Variants in NAALADL2 observed in about 807,000 individuals in gnomAD.
NAALADL2 encodes the protein N-acetylated alpha-linked acidic dipeptidase like 2.
In NAALADL2, 76 loss-of-function variants were observed where a neutral mutation model predicts 87.2. The observed-to-expected ratio is 0.87, with a 90% CI of 0.72 to 1.05. The LOEUF (loss-of-function observed/expected upper bound fraction) is 1.05. NAALADL2 is among the 50% of genes least tolerant of loss of function. The pLI, the probability that NAALADL2 is intolerant of heterozygous loss-of-function variation, is 0.00. For missense variants in NAALADL2, 1,089 were observed against 945.8 expected (o/e 1.15, Z -1.99); for synonymous variants, 354 against 331.0 (o/e 1.07, Z -0.75).
At chr3:174,992,881 GT>G (rs1392076255) in intron 1 of NAALADL2, among the ~76,000 whole-genome samples, 1 of 151,984 alleles carries the variant, frequency 6.6e-6, no homozygotes, top group Non-Finnish European at 1.5e-5. Context: ...GAATAACAGT[GT>G]TTTTTTAGAT....
intron 5 of NAALADL2, among the ~76,000 whole-genome samples, chr3:175,352,216 G>T (rs1374396046): frequency 6.6e-6 from 1 of 151,664 alleles, no homozygotes; most frequent in African/African-American, 2.4e-5. Context: ...CCAAGCTGTG[G>T]CTTCCTCTTT....
intron 3 of NAALADL2, among the ~76,000 whole-genome samples, chr3:174,835,933 A>G (rs1276850515): frequency 6.6e-6 from 1 of 152,220 alleles, no homozygotes; most frequent in Non-Finnish European, 1.5e-5. Flanking sequence ...CATTACAGAA[A>G]ACGGTATGGT....
rs555257221 is a variant in NAALADL2 at position 175,009,443 on chromosome 3, A to G, written c.44-87347A>G. ...GCCATGTTTTCTAATCCAAAGAAGTAAAAACAGGGACCAAGTGATGTAATC... is the reference window on the plus strand; with the variant it reads ...GCCATGTTTTCTAATCCAAAGAAGTGAAAACAGGGACCAAGTGATGTAATC... On this transcript the variant is annotated intron_variant, in intron 1 of 13. Coordinates refer to ENST00000454872, the MANE Select transcript of NAALADL2 (RefSeq NM_207015.3). Among the ~76,000 whole-genome samples, 97 of 152,318 alleles carry G rather than the reference A, an allele frequency of 6.4e-4. 1 individual carries two copies. Among genetic ancestry groups the G allele is most frequent in the African/African-American group, 2.0e-3 (85 of 41,582 alleles).
intron 1 of NAALADL2, among the ~76,000 whole-genome samples, chr3:174,522,802 C>T (rs1295802875): frequency 1.3e-5 from 2 of 151,382 alleles, no homozygotes; most frequent in Admixed American, 6.6e-5. Flanking sequence ...GGTGCGGTGG[C>T]GGGCGCCTGT....
rs967941629 is a variant in NAALADL2 at position 174,668,595 on chromosome 3, C to T, written c.-114-69046C>T. Among the ~76,000 whole-genome samples, 12 of 152,206 alleles carry T rather than the reference C, an allele frequency of 7.9e-5. No homozygotes were observed. The East Asian group carries it at 9.7e-4, about 12-fold the overall frequency. On this transcript the variant is annotated intron_variant, in intron 2 of 3. Transcript: ENST00000434257. ...TCTCCCCCCACCCCGCAACGGGCCCCGGTGTGTGATGTTTCCCTTCCTGTG... is the reference window on the plus strand; with the variant it reads ...TCTCCCCCCACCCCGCAACGGGCCCTGGTGTGTGATGTTTCCCTTCCTGTG...
intron 4 of NAALADL2, among the ~76,000 whole-genome samples, chr3:175,258,507 T>C (rs1408164505): frequency 6.6e-6 from 1 of 152,028 alleles, no homozygotes; most frequent in African/African-American, 2.4e-5. Flanking sequence ...TAGGATTCCA[T>C]GATAAAGAAA....
intron 2 of NAALADL2, among the ~76,000 whole-genome samples, chr3:174,635,813 T>C (rs887002869): frequency 7.2e-5 from 11 of 152,290 alleles, no homozygotes; most frequent in African/African-American, 2.4e-4. Flanking sequence ...GATATTCACA[T>C]TGTTATTGTT....
At chr3:174,876,961 A>C (rs551790536) in intron 1 of NAALADL2, among the ~76,000 whole-genome samples, 6 of 152,088 alleles carry the variant, frequency 3.9e-5, no homozygotes, top group Non-Finnish European at 8.8e-5. Context: ...CAGATGGCCA[A>C]CTTCTTGCAT....
intron 1 of NAALADL2, among the ~76,000 whole-genome samples, chr3:174,488,073 A>G (rs532754470): frequency 1.3e-5 from 2 of 152,212 alleles, no homozygotes; most frequent in South Asian, 2.1e-4. Context: ...GGAGAAGAAT[A>G]AATTGGAGAT....
intron 11 of NAALADL2, among the ~76,000 whole-genome samples, chr3:175,712,638 GCTTA>G (rs2150005492): frequency 6.6e-6 from 1 of 152,148 alleles, no homozygotes; most frequent in African/African-American, 2.4e-5. Flanking sequence ...GTGTGCCAGT[GCTTA>G]CTATACTTCC....
chr3:175,268,600 C>A (rs1363571642), intron 4 of NAALADL2, among the ~76,000 whole-genome samples: 2 of 152,074 alleles, frequency 1.3e-5, no homozygotes, highest in East Asian at 3.8e-4. Flanking sequence ...AACTGTTCAA[C>A]TCTTGTAATT....
chr3:174,890,343 G>T (rs1399422571), intron 1 of NAALADL2, among the ~76,000 whole-genome samples: 2 of 152,070 alleles, frequency 1.3e-5, no homozygotes, highest in African/African-American at 4.8e-5. Context: ...AGTTCTCTGG[G>T]AGATAGCAAA....
intron 3 of NAALADL2, among the ~76,000 whole-genome samples, chr3:174,785,995 C>T (rs951008491): frequency 2.0e-5 from 3 of 152,064 alleles, no homozygotes; most frequent in Non-Finnish European, 4.4e-5. Context: ...TGTGTAAAGG[C>T]ACAGGAATTA....
chr3:175,324,604 A>T (rs1442205300), intron 5 of NAALADL2, among the ~76,000 whole-genome samples: 1 of 152,210 alleles, frequency 6.6e-6, no homozygotes, highest in Non-Finnish European at 1.5e-5. Context: ...ATTGACTGAT[A>T]AGACAAATTA....
At chr3:175,331,253 C>G (rs770539065) in intron 5 of NAALADL2, among the ~76,000 whole-genome samples, 5 of 152,134 alleles carry the variant, frequency 3.3e-5, no homozygotes, top group Non-Finnish European at 7.4e-5. Context: ...TCTCCTCAAA[C>G]TAGTGCAAAA....
chr3:175,413,564 C>T (rs1448646191), intron 5 of NAALADL2, among the ~76,000 whole-genome samples: 2 of 18,094 alleles, frequency 1.1e-4, no homozygotes, highest in East Asian at 2.7e-3. Flanking sequence ...AGCGAGACTC[C>T]ATCAAAAAAA....
intron 3 of NAALADL2, among the ~76,000 whole-genome samples, chr3:174,742,680 A>G (rs548742447): frequency 1.6e-4 from 24 of 151,816 alleles, no homozygotes; most frequent in Admixed American, 1.6e-3. Context: ...TAGTAATAGG[A>G]GGATTAAACA....
chr3:174,527,843 C>T (rs1720902251), intron 1 of NAALADL2, among the ~76,000 whole-genome samples: 1 of 152,154 alleles, frequency 6.6e-6, no homozygotes. Flanking sequence ...GCCTTGGTCC[C>T]TTTCTTGCTA....
In NAALADL2 at chr3:175,447,231, GAA is replaced by G; in HGVS notation, c.1095_1096del (p.Ser366PhefsTer2). The G allele has an allele frequency of 6.3e-7, 1 of 1,576,016 alleles. No individual in the cohort carries two copies. Among genetic ancestry groups the G allele is most frequent in the Non-Finnish European group, 8.6e-7 (1 of 1,165,774 alleles). Reference sequence around the variant, plus strand: ...CTTCCTTTGTCTTTTGAATACAGATGAAAGTTTTAGACAAAGCCGATCAAACC... The same window carrying G: ...CTTCCTTTGTCTTTTGAATACAGATGAGTTTTAGACAAAGCCGATCAAACC... ...PSTPGYPSVD[E>X]SFRQSRSNLT... On this transcript the variant is annotated frameshift_variant, in exon 6 of 14. Transcript: ENST00000454872. LOFTEE classifies it high-confidence loss of function.
Sources: gnomAD v4.1 joint callset for allele counts (sites outside exome capture counted in the v4.1 genomes callset) on GRCh38, gnomAD v4.1.1 for gene constraint, MANE v1.5 for transcripts, NCBI Gene and HGNC (gene_info 2026-07-23, HGNC 2026-07-21) for gene names.